The following TOX2 variants were observed in gnomAD, a reference collection of about 807,000 sequenced individuals.
TOX2 encodes the protein TOX high mobility group box family member 2.
In TOX2, 15 loss-of-function variants were observed where a neutral mutation model predicts 47.4. The observed-to-expected ratio is 0.32, with a 90% CI of 0.21 to 0.49. The LOEUF (loss-of-function observed/expected upper bound fraction) is 0.49, where lower values mean the gene tolerates loss of function less well. Ranked by LOEUF, TOX2 falls within the 20% of genes least tolerant of loss-of-function variation. TOX2 has a pLI of 0.99. For synonymous variants in TOX2, 290 were observed against 296.6 expected, an observed-to-expected ratio of 0.98 and a Z score of 0.23; for missense variants, 622 against 673.1, an observed-to-expected ratio of 0.92 and a Z score of 0.84.
At chr20:44,025,804 C>G (rs1201466679) in intron 3 of TOX2, among the ~76,000 whole-genome samples, 1 of 151,828 alleles carries the variant, frequency 6.6e-6, no homozygotes, top group Non-Finnish European at 1.5e-5. Context: ...AGCCCCAGCT[C>G]TATCCTGGGC....
In TOX2 at chr20:43,924,044, C is replaced by T. The variant is rs111689758; in HGVS notation, c.99+9054C>T. On this transcript the variant is annotated intron_variant, in intron 1 of 8. Transcript: ENST00000341197. ...CCTAAAAATGAACAGCAGGCAGTTC[C>T]CTTGGGTGAAGGAGTTCACTGCAGT... Among the ~76,000 whole-genome samples, 308 of 152,248 alleles carry T rather than the reference C, an allele frequency of 2.0e-3. 2 individuals carry two copies. Among genetic ancestry groups the T allele is most frequent in the African/African-American group, 7.1e-3 (293 of 41,534 alleles).
At chr20:44,067,184 G>A (rs762818368) in intron 8 of TOX2, among the ~76,000 whole-genome samples, 6 of 152,164 alleles carry the variant, frequency 3.9e-5, no homozygotes, top group Non-Finnish European at 7.3e-5. Flanking sequence ...TAGAAGCAGA[G>A]CCTGAGGCAG....
At chr20:44,011,990 T>A (rs1427554363) in intron 3 of TOX2, among the ~76,000 whole-genome samples, 1 of 152,264 alleles carries the variant, frequency 6.6e-6, no homozygotes, top group Non-Finnish European at 1.5e-5. Context: ...TTCAGCGTCT[T>A]AACTGATTAA....
intron 1 of TOX2, among the ~76,000 whole-genome samples, chr20:43,955,711 C>T (rs1479756112): frequency 6.6e-6 from 1 of 152,222 alleles, no homozygotes; most frequent in Non-Finnish European, 1.5e-5. Flanking sequence ...TGGTTTTATT[C>T]TGGCTCCAAA....
intron 1 of TOX2, among the ~76,000 whole-genome samples, chr20:43,957,340 C>T (rs953165254): frequency 6.6e-6 from 1 of 152,220 alleles, no homozygotes; most frequent in African/African-American, 2.4e-5. Flanking sequence ...TCTTTGTTTG[C>T]AAAAGGGGAG....
intron 5 of TOX2, among the ~76,000 whole-genome samples, chr20:44,059,423 A>G (rs887524162): frequency 6.6e-6 from 1 of 152,190 alleles, no homozygotes; most frequent in African/African-American, 2.4e-5. Flanking sequence ...AGAGAAATCT[A>G]AAAGTTTGGA....
At chr20:44,065,613 C>T in intron 6 of TOX2, 99 bp from the exon 7 acceptor site, 2 of 1,398,428 alleles carry the variant, frequency 1.4e-6, no homozygotes, top group South Asian at 1.4e-5. Flanking sequence ...AGCCAGCCAG[C>T]AGCCGTGTCA....
Position 43,945,889 on chromosome 20 carries a change from T to C in TOX2, c.100-27478T>C, listed in dbSNP as rs775035185. ...CTTATAAAGCTTGCTATTTCTGGCA[T>C]TTTTTCCTCTTTCTCTGCTGATTAT... On this transcript the variant is annotated intron_variant, in intron 1 of 8. Coordinates refer to ENST00000341197, the MANE Select transcript of TOX2 (RefSeq NM_001098797.2). 2.5e-6 allele frequency: 4 copies of C among 1,609,254 alleles called. No homozygotes were observed. The South Asian group carries it at 3.3e-5, about 13-fold the overall frequency.
intron 3 of TOX2, among the ~76,000 whole-genome samples, chr20:44,040,468 A>C (rs1424226489): frequency 6.6e-6 from 1 of 152,124 alleles, no homozygotes; most frequent in South Asian, 2.1e-4. Context: ...GTCTTGGGGA[A>C]GGCATCATAA....
chr20:44,003,062 C>CCACTG (rs2070611722), intron 2 of TOX2, among the ~76,000 whole-genome samples: 2 of 152,208 alleles, frequency 1.3e-5, no homozygotes, highest in Non-Finnish European at 2.9e-5. Flanking sequence ...TGGCTCCTAA[C>CCACTG]CACTGCACTG....
At chr20:43,962,855 T>C (rs1300237607) in intron 1 of TOX2, among the ~76,000 whole-genome samples, 3 of 152,202 alleles carry the variant, frequency 2.0e-5, no homozygotes, top group Non-Finnish European at 4.4e-5. Context: ...CTAATAGCCA[T>C]GTTCAGAAAA....
intron 1 of TOX2, among the ~76,000 whole-genome samples, chr20:43,942,997 C>T (rs1333771674): frequency 6.6e-6 from 1 of 152,234 alleles, no homozygotes; most frequent in Non-Finnish European, 1.5e-5. Flanking sequence ...CTCCAACCCA[C>T]ATTAAATACC....
At chr20:43,939,810 C>T (rs1389738181) in intron 1 of TOX2, among the ~76,000 whole-genome samples, 5 of 152,120 alleles carry the variant, frequency 3.3e-5, no homozygotes, top group Non-Finnish European at 7.4e-5. Flanking sequence ...CAGAAAGTAC[C>T]AGTGCCTGGC....
At chr20:44,045,216 T>A (rs1464151447) in intron 3 of TOX2, among the ~76,000 whole-genome samples, 4 of 152,216 alleles carry the variant, frequency 2.6e-5, no homozygotes, top group Non-Finnish European at 5.9e-5. Context: ...GGCGTGAACA[T>A]ATTTAATGCC....
At chr20:44,027,049 C>T (rs1288556514) in intron 3 of TOX2, among the ~76,000 whole-genome samples, 3 of 152,200 alleles carry the variant, frequency 2.0e-5, no homozygotes, top group Non-Finnish European at 4.4e-5. Context: ...CAGTAAAACA[C>T]GGCAGTGTTT....
chr20:44,029,126 C>T (rs752732647), intron 3 of TOX2, among the ~76,000 whole-genome samples: 12 of 152,236 alleles, frequency 7.9e-5, no homozygotes, highest in Non-Finnish European at 1.5e-4. Context: ...GTCGCCACCG[C>T]GCTGATGCTG....
chr20:43,964,125 G>A (rs1460708523), intron 1 of TOX2, among the ~76,000 whole-genome samples: 3 of 151,694 alleles, frequency 2.0e-5, no homozygotes, highest in African/African-American at 7.3e-5. Context: ...CAGCTTGAAA[G>A]CAACAAGCCC....
chr20:44,023,464 G>C (rs2071010802), intron 3 of TOX2, among the ~76,000 whole-genome samples: 2 of 147,262 alleles, frequency 1.4e-5, no homozygotes, highest in South Asian at 4.3e-4. Context: ...GGGAAAGAAG[G>C]ACTGACTGGA....
chr20:43,994,522 C>T (rs1321709462), intron 2 of TOX2, among the ~76,000 whole-genome samples: 1 of 151,606 alleles, frequency 6.6e-6, no homozygotes. Flanking sequence ...TAAAATGGGG[C>T]CAGTGCCTGC....
Sources: allele counts gnomAD v4.1 joint callset (sites outside exome capture counted in the v4.1 genomes callset), GRCh38; gene constraint gnomAD v4.1.1; transcripts MANE v1.5; gene names NCBI Gene and HGNC (gene_info 2026-07-23, HGNC 2026-07-21).